GNA12: variants seen among roughly 807,000 people sequenced by gnomAD.
GNA12 encodes G protein subunit alpha 12, also known as guanine nucleotide-binding protein subunit alpha-12.
A neutral mutation model predicts 26.0 loss-of-function variants in GNA12; 9 were observed. That is an observed-to-expected ratio of 0.35 (90% CI 0.21 to 0.60). The LOEUF is 0.60. Ranked by LOEUF, GNA12 falls within the 20% of genes least tolerant of loss-of-function variation. The pLI, the probability that GNA12 is intolerant of heterozygous loss-of-function variation, is 0.78. For missense variants in GNA12, 405 were observed against 525.8 expected, an observed-to-expected ratio of 0.77 and a Z score of 2.25; for synonymous variants, 264 against 219.6, an observed-to-expected ratio of 1.20 and a Z score of -1.79.
At chr7:2,735,850 G>A (rs1174954415) in intron 2 of GNA12, among the ~76,000 whole-genome samples, 1 of 152,156 alleles carries the variant, frequency 6.6e-6, no homozygotes, top group Admixed American at 6.5e-5. Context: ...TGAACTGTAA[G>A]GTGCCAGGGA....
intron 2 of GNA12, among the ~76,000 whole-genome samples, chr7:2,741,398 G>T (rs953620262): frequency 3.3e-5 from 5 of 152,114 alleles, no homozygotes; most frequent in African/African-American, 1.2e-4. Flanking sequence ...TAGGGGTGGG[G>T]AGAGCTCACC....
intron 1 of GNA12, among the ~76,000 whole-genome samples, chr7:2,842,413 C>G (rs920557694): frequency 2.6e-5 from 4 of 152,190 alleles, no homozygotes; most frequent in African/African-American, 9.7e-5. Context: ...ATTCTCCTAC[C>G]TCAGCCGCTC....
At chr7:2,776,497 C>T (rs527282941) in intron 2 of GNA12, among the ~76,000 whole-genome samples, 3 of 152,240 alleles carry the variant, frequency 2.0e-5, no homozygotes, top group South Asian at 2.1e-4. Flanking sequence ...AAGACAGGGG[C>T]GATGAAAGCA....
chr7:2,765,190 C>T (rs963333377), intron 2 of GNA12: 2 of 151,876 alleles, frequency 1.3e-5, no homozygotes, highest in East Asian at 1.9e-4. Context: ...CTCTGTCGCC[C>T]AGGCTGGAGT....
chr7:2,732,751 C>A (rs1463115478), intron 3 of GNA12, among the ~76,000 whole-genome samples: 11 of 152,120 alleles, frequency 7.2e-5, no homozygotes, highest in Non-Finnish European at 1.6e-4. Flanking sequence ...GCAAAGTCCA[C>A]ATGGTAAGAA....
intron 2 of GNA12, among the ~76,000 whole-genome samples, chr7:2,758,198 G>A (rs1034198309): frequency 4.6e-5 from 7 of 152,174 alleles, no homozygotes; most frequent in Admixed American, 1.3e-4. Flanking sequence ...GATGCTTACA[G>A]TATTAGAAAT....
chr7:2,810,522 G>A (rs994023817), intron 1 of GNA12, among the ~76,000 whole-genome samples: 9 of 152,130 alleles, frequency 5.9e-5, no homozygotes, highest in African/African-American at 2.2e-4. Context: ...GCCTTTAGAA[G>A]GAACTTACTC....
At chr7:2,815,769 A>G (rs561059366) in intron 1 of GNA12, among the ~76,000 whole-genome samples, 1 of 152,310 alleles carries the variant, frequency 6.6e-6, no homozygotes, top group African/African-American at 2.4e-5. Context: ...CTGTGAGCAC[A>G]AGCTCCTTCC....
intron 2 of GNA12, among the ~76,000 whole-genome samples, chr7:2,779,588 T>C (rs1792169862): frequency 6.6e-6 from 1 of 152,130 alleles, no homozygotes; most frequent in Admixed American, 6.5e-5. Context: ...ATAAAAACAC[T>C]TCATTTTTAA....
intron 2 of GNA12, among the ~76,000 whole-genome samples, chr7:2,749,994 C>T (rs992991990): frequency 2.0e-5 from 3 of 152,134 alleles, no homozygotes; most frequent in African/African-American, 7.2e-5. Flanking sequence ...TTTTTAGAAG[C>T]AGAAAACTTT....
chr7:2,792,490 A>C (rs1423824659), intron 2 of GNA12, among the ~76,000 whole-genome samples: 1 of 152,232 alleles, frequency 6.6e-6, no homozygotes, highest in East Asian at 1.9e-4. Context: ...TCCCAGACAG[A>C]AGCCTCACTC....
intron 1 of GNA12, among the ~76,000 whole-genome samples, chr7:2,803,237 G>C (rs550772544): frequency 9.2e-5 from 14 of 152,358 alleles, no homozygotes; most frequent in African/African-American, 3.1e-4. Context: ...TGGAAGGACA[G>C]GACCGTCGGA....
intron 1 of GNA12, among the ~76,000 whole-genome samples, chr7:2,839,273 G>A (rs551624955): frequency 1.4e-4 from 21 of 152,124 alleles, no homozygotes; most frequent in Middle Eastern, 3.4e-3. Context: ...TTACTCTGTC[G>A]CCCAGGATAA....
At chr7:2,770,519 G>T (rs1791921118) in intron 2 of GNA12, among the ~76,000 whole-genome samples, 1 of 152,140 alleles carries the variant, frequency 6.6e-6, no homozygotes, top group Non-Finnish European at 1.5e-5. Flanking sequence ...TACCCAGGAG[G>T]CTGAAGTGGG....
chr7:2,759,180 T>C (rs966675094), intron 2 of GNA12, among the ~76,000 whole-genome samples: 1 of 145,356 alleles, frequency 6.9e-6, no homozygotes, highest in Non-Finnish European at 1.5e-5. Flanking sequence ...AATAAATAAA[T>C]AAATAAATAA....
intron 2 of GNA12, among the ~76,000 whole-genome samples, chr7:2,774,192 C>T (rs986292675): frequency 6.6e-6 from 1 of 152,040 alleles, no homozygotes; most frequent in Non-Finnish European, 1.5e-5. Flanking sequence ...ACAATCTGCT[C>T]AGTTTGTGAA....
Position 2,794,907 on chromosome 7 carries a change from CA to C in GNA12, c.525+20del. On this transcript the variant is annotated intron_variant, in intron 2 of 3. Transcript: ENST00000275364. ...AAAAAACACACTATCAGGTGCCCAGCAAGAAGGCCTACTCACTCACCAGCTG... is the reference window on the plus strand; with the variant it reads ...AAAAAACACACTATCAGGTGCCCAGCAGAAGGCCTACTCACTCACCAGCTG... 6.4e-7 allele frequency: 1 copy of C among 1,558,400 alleles called. No individual in the cohort carries two copies. The highest frequency in any genetic ancestry group is 8.9e-7 in the Non-Finnish European group (1 of 1,129,620).
Position 2,783,052 on chromosome 7 carries a change from G to A in GNA12, c.525+11876C>T, listed in dbSNP as rs534765165. Among the ~76,000 whole-genome samples the A allele has an allele frequency of 2.4e-4, 37 of 152,274 alleles. 1 individual carries two copies. In the South Asian group the frequency reaches 7.5e-3, roughly 31 times the overall value. ...AAACAAGTTAGGGCAGCTGTTTAAAGACCGGTGTCGGAGTCCAATATCTGA... is the reference window on the plus strand; with the variant it reads ...AAACAAGTTAGGGCAGCTGTTTAAAAACCGGTGTCGGAGTCCAATATCTGA... On this transcript the variant is annotated intron_variant, in intron 2 of 3. Coordinates refer to ENST00000275364, the MANE Select transcript of GNA12 (RefSeq NM_007353.3).
At chr7:2,812,955 A>G (rs1368914418) in intron 1 of GNA12, among the ~76,000 whole-genome samples, 1 of 152,142 alleles carries the variant, frequency 6.6e-6, no homozygotes, top group Admixed American at 6.5e-5. Flanking sequence ...AAAAAATTTT[A>G]TGTTTAGAGA....
Sources: gnomAD v4.1 joint callset for allele counts (sites outside exome capture counted in the v4.1 genomes callset) on GRCh38, gnomAD v4.1.1 for gene constraint, MANE v1.5 for transcripts, NCBI Gene and HGNC (gene_info 2026-07-23, HGNC 2026-07-21) for gene names.